The following MAGI1 variants were observed in gnomAD, a reference collection of about 807,000 sequenced individuals.
MAGI1 encodes the protein membrane-associated guanylate kinase, WW and PDZ domain-containing protein 1.
Under a neutral mutation model 139.9 loss-of-function variants are expected in MAGI1, and 58 were observed. The observed-to-expected ratio is 0.41, with a 90% CI of 0.34 to 0.52. MAGI1 has a LOEUF of 0.52. Among genes scored for constraint, MAGI1 ranks in the 20% least tolerant of loss-of-function variants. The pLI, the probability that MAGI1 is intolerant of heterozygous loss-of-function variation, is 0.12. For missense variants in MAGI1, 1,874 were observed against 1,901.6 expected, an observed-to-expected ratio of 0.99 and a Z score of 0.27; for synonymous variants, 812 against 737.9, an observed-to-expected ratio of 1.10 and a Z score of -1.63.
At chr3:65,889,208 C>A (rs767435745) in intron 1 of MAGI1, among the ~76,000 whole-genome samples, 5 of 152,114 alleles carry the variant, frequency 3.3e-5, no homozygotes, top group Admixed American at 2.0e-4. Context: ...GATATAATGT[C>A]CATGGGTCAG....
intron 1 of MAGI1, among the ~76,000 whole-genome samples, chr3:65,936,676 G>A (rs1358770514): frequency 6.6e-6 from 1 of 152,026 alleles, no homozygotes; most frequent in African/African-American, 2.4e-5. Flanking sequence ...AGTTATAGAA[G>A]AGGGCAATCT....
At chr3:65,729,558 C>G (rs951486480) in intron 1 of MAGI1, among the ~76,000 whole-genome samples, 14 of 152,302 alleles carry the variant, frequency 9.2e-5, no homozygotes, top group African/African-American at 3.4e-4. Flanking sequence ...AACACTGAAT[C>G]TAACTCAGGG....
intron 1 of MAGI1, chr3:65,925,173 G>A (rs2062432465): frequency 6.6e-6 from 1 of 152,138 alleles, no homozygotes; most frequent in African/African-American, 2.4e-5. Context: ...GCCATGAGAT[G>A]GCTGAGGAAG....
At chr3:65,383,393 G>T in intron 15 of MAGI1, 139 bp downstream of exon 15, 2 of 654,498 alleles carry the variant, frequency 3.1e-6, no homozygotes, top group South Asian at 3.8e-5. Flanking sequence ...AAAACCCAAT[G>T]AGAAACCCAC....
chr3:65,718,919 A>C (rs1169582180), intron 1 of MAGI1, among the ~76,000 whole-genome samples: 1 of 151,704 alleles, frequency 6.6e-6, no homozygotes, highest in Non-Finnish European at 1.5e-5. Context: ...AAAGCACTAA[A>C]AGAAAAGGTC....
intron 1 of MAGI1, among the ~76,000 whole-genome samples, chr3:65,798,444 G>A (rs2040293755): frequency 6.6e-6 from 1 of 152,138 alleles, no homozygotes; most frequent in African/African-American, 2.4e-5. Flanking sequence ...CATTCTGAAA[G>A]GCACATCAAA....
At chr3:65,816,199 A>G (rs2041589511) in intron 1 of MAGI1, among the ~76,000 whole-genome samples, 1 of 152,144 alleles carries the variant, frequency 6.6e-6, no homozygotes, top group Admixed American at 6.5e-5. Context: ...ACCATCTAGA[A>G]GGATTTGGAG....
intron 13 of MAGI1, among the ~76,000 whole-genome samples, chr3:65,391,649 C>T (rs1434268952): frequency 6.6e-6 from 1 of 152,142 alleles, no homozygotes; most frequent in Non-Finnish European, 1.5e-5. Flanking sequence ...AGCTAAGACG[C>T]TATGCTCGTT....
At chr3:65,888,418 G>T (rs1219141982) in intron 1 of MAGI1, among the ~76,000 whole-genome samples, 1 of 152,120 alleles carries the variant, frequency 6.6e-6, no homozygotes, top group African/African-American at 2.4e-5. Flanking sequence ...TATTCAAGAG[G>T]CCCATTATAA....
chr3:65,688,485 T>C, intron 1 of MAGI1: 1 of 457,272 alleles, frequency 2.2e-6, no homozygotes, highest in Non-Finnish European at 4.3e-6. Flanking sequence ...CTTCACTCCC[T>C]TTCCTACCCA....
At chr3:65,360,443 G>C in intron 22 of MAGI1, 1 of 981,416 alleles carries the variant, frequency 1.0e-6, no homozygotes, top group Non-Finnish European at 1.2e-6. Context: ...AGAACACTAA[G>C]CTATGTAAAG....
At chr3:65,955,884 G>A (rs1179663870) in intron 1 of MAGI1, among the ~76,000 whole-genome samples, 1 of 152,082 alleles carries the variant, frequency 6.6e-6, no homozygotes, top group Admixed American at 6.5e-5. Flanking sequence ...TTCGGTGGAG[G>A]ATGCAGAGAG....
chr3:65,984,988 C>A (rs78099342), intron 1 of MAGI1, among the ~76,000 whole-genome samples: 1 of 152,112 alleles, frequency 6.6e-6, no homozygotes, highest in Non-Finnish European at 1.5e-5. Context: ...GGCAGAGGCC[C>A]CAGGCCTTCT....
intron 2 of MAGI1, among the ~76,000 whole-genome samples, chr3:65,567,638 A>C (rs1159460992): frequency 6.6e-6 from 1 of 152,104 alleles, no homozygotes; most frequent in Non-Finnish European, 1.5e-5. Context: ...GGAGTTCAAG[A>C]CCAGCCTGGC....
chr3:65,812,439 C>G (rs1047340578), intron 1 of MAGI1, among the ~76,000 whole-genome samples: 2 of 136,028 alleles, frequency 1.5e-5, no homozygotes, highest in Non-Finnish European at 3.1e-5. Context: ...AAATCTCTCT[C>G]TCTCTTTCTC....
At chr3:65,786,270 T>G (rs1349944039) in intron 1 of MAGI1, among the ~76,000 whole-genome samples, 1 of 135,078 alleles carries the variant, frequency 7.4e-6, no homozygotes, top group African/African-American at 2.7e-5. Flanking sequence ...TTTTTTTTTT[T>G]GCCTTGAAAT....
intron 1 of MAGI1, among the ~76,000 whole-genome samples, chr3:65,794,911 C>T (rs2040024451): frequency 6.7e-6 from 1 of 150,006 alleles, no homozygotes; most frequent in Non-Finnish European, 1.5e-5. Context: ...ACAGACATTT[C>T]ACCACAAAGG....
chr3:65,416,495 T>C (rs1187743465), intron 12 of MAGI1, among the ~76,000 whole-genome samples: 1 of 152,086 alleles, frequency 6.6e-6, no homozygotes, highest in Non-Finnish European at 1.5e-5. Flanking sequence ...CATGAGACAA[T>C]GGGGAAGCTG....
intron 1 of MAGI1, among the ~76,000 whole-genome samples, chr3:65,909,004 C>T (rs974751455): frequency 6.6e-6 from 1 of 152,044 alleles, no homozygotes. Flanking sequence ...ATCAAATAAC[C>T]CATTTTCTAG....
Sources: gnomAD v4.1 joint callset for allele counts (sites outside exome capture counted in the v4.1 genomes callset) on GRCh38, gnomAD v4.1.1 for gene constraint, MANE v1.5 for transcripts, NCBI Gene and HGNC (gene_info 2026-07-23, HGNC 2026-07-21) for gene names.